Variants in ZFHX3 observed in about 807,000 individuals in gnomAD.
ZFHX3 encodes the protein zinc finger homeobox protein 3.
In ZFHX3, 42 loss-of-function variants were observed where a neutral mutation model predicts 279.1. The ratio of observed to expected loss-of-function variants is 0.15; its 90% CI spans 0.12 to 0.19. The LOEUF (loss-of-function observed/expected upper bound fraction) is 0.19. Among genes scored for constraint, ZFHX3 ranks in the 10% least tolerant of loss-of-function variants. The pLI is 1.00. For missense variants in ZFHX3, 4,981 were observed against 4,754.0 expected, an observed-to-expected ratio of 1.05 and a Z score of -1.40; for synonymous variants, 2,293 against 1,957.8, an observed-to-expected ratio of 1.17 and a Z score of -4.52.
chr16:72,937,335 G>A (rs1033457437), intron 3 of ZFHX3, among the ~76,000 whole-genome samples: 6 of 152,186 alleles, frequency 3.9e-5, no homozygotes, highest in Non-Finnish European at 8.8e-5. Flanking sequence ...AACACTCATC[G>A]TGAAGTCACA....
chr16:73,418,041 G>A (rs908740441), intron 3 of ZFHX3, among the ~76,000 whole-genome samples: 1 of 150,032 alleles, frequency 6.7e-6, no homozygotes, highest in Non-Finnish European at 1.5e-5. Flanking sequence ...GGGATGCAAG[G>A]AAAGACAGTA....
intron 4 of ZFHX3, among the ~76,000 whole-genome samples, chr16:73,315,219 GA>G (rs67349927): frequency 0.21 from 24,970 of 121,658 alleles, 2,141 homozygotes; most frequent in East Asian, 0.29. Flanking sequence ...ATCTCAAAAA[GA>G]AAAAAAAAAA....
At chr16:73,551,550 A>G (rs188000492) in intron 2 of ZFHX3, among the ~76,000 whole-genome samples, 5 of 152,352 alleles carry the variant, frequency 3.3e-5, no homozygotes, top group Admixed American at 3.3e-4. Context: ...ACTTTGCATT[A>G]TCCAAACCTG....
intron 3 of ZFHX3, among the ~76,000 whole-genome samples, chr16:73,344,896 G>T (rs2016096293): frequency 6.6e-6 from 1 of 152,198 alleles, no homozygotes; most frequent in Non-Finnish European, 1.5e-5. Context: ...ATTGCTCACA[G>T]ATCTTTGAGA....
rs79926958 is a variant in ZFHX3, at chr16:73,377,705, A to T, written c.-1290-59369T>A. Among the ~76,000 whole-genome samples, 908 of 149,522 alleles carry T rather than the reference A, an allele frequency of 6.1e-3. 9 individuals are homozygous for T. The highest frequency in any genetic ancestry group is 0.021 in the African/African-American group (839 of 40,762). On this transcript the variant is annotated intron_variant, in intron 3 of 17. Transcript: ENST00000641206. ...TCCTTTGTGTTTTTTTTTTCCTATTATAAACAATGCTGCAATGGAGATTTT... is the reference window on the plus strand; with the variant it reads ...TCCTTTGTGTTTTTTTTTTCCTATTTTAAACAATGCTGCAATGGAGATTTT...
chr16:72,889,041 GA>G (rs2038700646), intron 4 of ZFHX3, among the ~76,000 whole-genome samples: 1 of 151,004 alleles, frequency 6.6e-6, no homozygotes, highest in East Asian at 2.0e-4. Flanking sequence ...AGTCCCTATG[GA>G]AGGCGGAGTC....
chr16:73,056,768 T>C (rs867540429), intron 1 of ZFHX3, among the ~76,000 whole-genome samples: 23 of 152,320 alleles, frequency 1.5e-4, no homozygotes, highest in Non-Finnish European at 2.2e-4. Flanking sequence ...CGCTGCCCTA[T>C]TGATTATGCA....
At chr16:72,868,673 T>C (rs1050326359) in intron 4 of ZFHX3, among the ~76,000 whole-genome samples, 1 of 152,226 alleles carries the variant, frequency 6.6e-6, no homozygotes, top group African/African-American at 2.4e-5. Context: ...TCTTCAGTTT[T>C]CAGGGTCCAC....
intron 5 of ZFHX3, among the ~76,000 whole-genome samples, chr16:73,192,017 C>T (rs568056590): frequency 6.6e-6 from 1 of 152,340 alleles, no homozygotes; most frequent in East Asian, 1.9e-4. Flanking sequence ...GCTCAGTCGC[C>T]CTACTTGGCT....
At chr16:73,709,512 G>A (rs144850567) in intron 1 of ZFHX3, among the ~76,000 whole-genome samples, 75 of 152,316 alleles carry the variant, frequency 4.9e-4, no homozygotes, top group African/African-American at 1.8e-3. Flanking sequence ...ATTATGCTGA[G>A]TGAAATAAGC....
At chr16:72,823,527 C>T (rs1003598922) in intron 5 of ZFHX3, among the ~76,000 whole-genome samples, 6 of 152,212 alleles carry the variant, frequency 3.9e-5, no homozygotes, top group African/African-American at 1.4e-4. Flanking sequence ...TAGGTAAGGG[C>T]ATATGGTGCT....
At position 73,382,520 on chromosome 16, in the gene ZFHX3, T is replaced by G. The variant is rs551278848; in HGVS notation, c.-1290-64184A>C. 7.8e-4 allele frequency among the ~76,000 whole-genome samples: 118 copies of G among 152,242 alleles called. 2 individuals carry two copies. The highest frequency in any genetic ancestry group is 2.7e-3 in the African/African-American group (111 of 41,540). ...GCAAGAGAATAATATGATTTATGTT[T>G]TAAAAAGCCCACTCAGGCTGCTGTG... On this transcript the variant is annotated intron_variant, in intron 3 of 17. Coordinates refer to the ZFHX3 transcript ENST00000641206.
chr16:72,836,514 T>C (rs73590708), intron 4 of ZFHX3, among the ~76,000 whole-genome samples: 1 of 152,328 alleles, frequency 6.6e-6, no homozygotes, highest in African/African-American at 2.4e-5. Flanking sequence ...TGGTTTTTGC[T>C]TACCACAAAT....
chr16:72,976,822 C>T (rs930965297), intron 1 of ZFHX3, among the ~76,000 whole-genome samples: 3 of 152,196 alleles, frequency 2.0e-5, no homozygotes, highest in African/African-American at 4.8e-5. Context: ...GTGGCACCGC[C>T]GCCCTGAGAC....
intron 7 of ZFHX3, chr16:73,094,689 T>C (rs1053312925): frequency 6.6e-6 from 1 of 152,134 alleles, no homozygotes; most frequent in Non-Finnish European, 1.5e-5. Flanking sequence ...CTTCCTCCTG[T>C]GAAGTGTTTT....
intron 4 of ZFHX3, among the ~76,000 whole-genome samples, chr16:73,261,688 T>TTTTTTTTTTTTG (rs2013830875): frequency 1.3e-5 from 2 of 148,626 alleles, no homozygotes; most frequent in South Asian, 2.1e-4. Context: ...TTTTTTTTTT[T>TTTTTTTTTTTTG]TTTTAGGACA....
chr16:73,757,279 C>T (rs1290292489), intron 1 of ZFHX3, among the ~76,000 whole-genome samples: 4 of 152,188 alleles, frequency 2.6e-5, no homozygotes, highest in Non-Finnish European at 5.9e-5. Flanking sequence ...TCCCTCGTGT[C>T]TGTGAGTGTG....
chr16:73,282,463 A>G (rs2014481674), intron 4 of ZFHX3, among the ~76,000 whole-genome samples: 1 of 152,056 alleles, frequency 6.6e-6, no homozygotes, highest in Non-Finnish European at 1.5e-5. Flanking sequence ...TCTATCTTTG[A>G]TGGATTTTTC....
chr16:73,683,946 T>C (rs748184860), intron 1 of ZFHX3, among the ~76,000 whole-genome samples: 22 of 152,206 alleles, frequency 1.4e-4, no homozygotes, highest in Non-Finnish European at 2.6e-4. Context: ...GCCAAACTAC[T>C]CAACTCTGTG....
Sources: gnomAD v4.1 joint callset for allele counts (sites outside exome capture counted in the v4.1 genomes callset) on GRCh38, gnomAD v4.1.1 for gene constraint, MANE v1.5 for transcripts, NCBI Gene and HGNC (gene_info 2026-07-23, HGNC 2026-07-21) for gene names.